Variants in DIP2C observed in about 807,000 individuals in gnomAD.
DIP2C encodes DIP2 acetate--CoA ligase C (putative), also known as disco-interacting protein 2 homolog C.
DIP2C carries 33 observed loss-of-function variants against 192.4 expected under a neutral mutation model. That is an observed-to-expected ratio of 0.17 (90% CI 0.13 to 0.23). The LOEUF (loss-of-function observed/expected upper bound fraction) is 0.23. DIP2C is among the 10% of genes least tolerant of loss of function. The pLI is 1.00. For missense variants in DIP2C, 1,537 were observed against 2,110.1 expected (o/e 0.73, Z 5.32); for synonymous variants, 979 against 864.1 (o/e 1.13, Z -2.33).
At chr10:350,992 G>T (rs576211189) in intron 24 of DIP2C, among the ~76,000 whole-genome samples, 1 of 152,250 alleles carries the variant, frequency 6.6e-6, no homozygotes, top group Admixed American at 6.5e-5. Flanking sequence ...ATGCATGAGT[G>T]TAGGGATGGA....
At chr10:459,941 G>A (rs1318168329) in intron 3 of DIP2C, among the ~76,000 whole-genome samples, 1 of 141,346 alleles carries the variant, frequency 7.1e-6, no homozygotes, top group Non-Finnish European at 1.5e-5. Flanking sequence ...ACCACCTGCT[G>A]CACGTGAGCT....
At chr10:385,200 C>T (rs1406880553) in intron 14 of DIP2C, among the ~76,000 whole-genome samples, 1 of 151,226 alleles carries the variant, frequency 6.6e-6, no homozygotes, top group Non-Finnish European at 1.5e-5. Context: ...CCGGGCTGCA[C>T]AGGCCTGGAG....
At chr10:436,254 T>G (rs112755004) in intron 4 of DIP2C, among the ~76,000 whole-genome samples, 2,480 of 152,308 alleles carry the variant, frequency 0.016, 74 homozygotes, top group African/African-American at 0.056. Context: ...ATTGTTTGCT[T>G]AATATTGCAC....
At chr10:391,446 A>G (rs1433924046) in intron 10 of DIP2C, among the ~76,000 whole-genome samples, 2 of 152,224 alleles carry the variant, frequency 1.3e-5, no homozygotes, top group Non-Finnish European at 2.9e-5. Flanking sequence ...ACTGCTGTGC[A>G]GCCCCACTGG....
intron 1 of DIP2C, among the ~76,000 whole-genome samples, chr10:587,521 C>T (rs1851139631): frequency 6.6e-6 from 1 of 152,186 alleles, no homozygotes; most frequent in African/African-American, 2.4e-5. Context: ...CTATAAAGGT[C>T]ATTAATCCCA....
At chr10:532,789 G>T (rs1847492763) in intron 1 of DIP2C, among the ~76,000 whole-genome samples, 1 of 151,968 alleles carries the variant, frequency 6.6e-6, no homozygotes, top group African/African-American at 2.4e-5. Context: ...GAGAGTATGG[G>T]TGTGTGGTGG....
chr10:472,304 G>A, intron 3 of DIP2C, 135 bp downstream of exon 3: 3 of 680,578 alleles, frequency 4.4e-6, no homozygotes, highest in Non-Finnish European at 7.4e-6. Context: ...GTGTGTCCGT[G>A]CAGAAAGCTG....
intron 10 of DIP2C, among the ~76,000 whole-genome samples, chr10:394,661 A>G (rs1405497463): frequency 6.0e-5 from 9 of 149,876 alleles, no homozygotes; most frequent in African/African-American, 2.0e-4. Flanking sequence ...GGCGCTATTC[A>G]GCCTTCAGGG....
At position 399,181 on chromosome 10, in the gene DIP2C, G is replaced by A. The variant is rs758726438; in HGVS notation, c.1188C>T (p.Phe396=). 17 of 1,614,002 alleles carry A rather than the reference G, an allele frequency of 1.1e-5. No individual in the cohort carries two copies. The highest frequency in any genetic ancestry group is 6.7e-5 in the East Asian group (3 of 44,896). ...GCAGGCAGCCGTAGAAAGCCGCCAT[G>A]AAGGCAGCCGGATCATTGTTGGGGA... ...LVFPNNDPAA[F]MAAFYGCLLA... Residue 396 remains phenylalanine, a synonymous_variant, in exon 10 of 37, where the codon TTC becomes TTT. Transcript: ENST00000280886.
At chr10:501,247 G>A (rs1261370974) in intron 1 of DIP2C, among the ~76,000 whole-genome samples, 1 of 152,144 alleles carries the variant, frequency 6.6e-6, no homozygotes, top group Non-Finnish European at 1.5e-5. Flanking sequence ...AATGTTGATA[G>A]TACACACTTT....
At chr10:469,826 C>T (rs944019158) in intron 3 of DIP2C, among the ~76,000 whole-genome samples, 9 of 152,190 alleles carry the variant, frequency 5.9e-5, no homozygotes, top group Non-Finnish European at 7.3e-5. Flanking sequence ...GATGCTATAA[C>T]CCAGCCGCTC....
chr10:324,390 A>C (rs775393665), intron 31 of DIP2C, among the ~76,000 whole-genome samples: 1 of 152,220 alleles, frequency 6.6e-6, no homozygotes, highest in Non-Finnish European at 1.5e-5. Context: ...ACAAAGCCAG[A>C]AACCTAATTC....
intron 1 of DIP2C, among the ~76,000 whole-genome samples, chr10:563,228 C>T (rs578039166): frequency 5.9e-5 from 9 of 152,318 alleles, no homozygotes; most frequent in Non-Finnish European, 1.2e-4. Context: ...TGCATCCATA[C>T]GATTTTAAGG....
intron 1 of DIP2C, among the ~76,000 whole-genome samples, chr10:575,050 T>C (rs1217812554): frequency 6.6e-6 from 1 of 152,044 alleles, no homozygotes; most frequent in African/African-American, 2.4e-5. Context: ...CTGGTATCAA[T>C]CAGTCTGCTG....
chr10:596,078 A>G (rs1851681846), intron 1 of DIP2C, among the ~76,000 whole-genome samples: 1 of 152,202 alleles, frequency 6.6e-6, no homozygotes, highest in African/African-American at 2.4e-5. Flanking sequence ...TCAAACGGAT[A>G]ACTCCTTCCC....
At chr10:592,640 T>C (rs1024997797) in intron 1 of DIP2C, among the ~76,000 whole-genome samples, 2 of 152,184 alleles carry the variant, frequency 1.3e-5, no homozygotes, top group Non-Finnish European at 2.9e-5. Flanking sequence ...GCAACCCTGT[T>C]TGGAGGCACA....
intron 15 of DIP2C, 125 bp from the exon 16 acceptor site, chr10:384,271 C>CTTTTTTTTTTTTTTT (rs35461394): frequency 3.6e-6 from 1 of 275,290 alleles, no homozygotes; most frequent in Non-Finnish European, 5.6e-6. Context: ...CCCCACAAAC[C>CTTTTTTTTTTTTTTT]TTTTTTTTTT....
intron 32 of DIP2C, among the ~76,000 whole-genome samples, chr10:292,193 C>T (rs1955525573): frequency 6.6e-6 from 1 of 152,248 alleles, no homozygotes; most frequent in Non-Finnish European, 1.5e-5. Context: ...TTCTTGCTGC[C>T]TCCAACGTGC....
At chr10:598,450 A>T (rs934307219) in intron 1 of DIP2C, among the ~76,000 whole-genome samples, 41 of 152,236 alleles carry the variant, frequency 2.7e-4, no homozygotes, top group African/African-American at 9.4e-4. Flanking sequence ...ACATGCAATC[A>T]TCACATGCAT....
Sources: allele counts gnomAD v4.1 joint callset (sites outside exome capture counted in the v4.1 genomes callset), GRCh38; gene constraint gnomAD v4.1.1; transcripts MANE v1.5; gene names NCBI Gene and HGNC (gene_info 2026-07-23, HGNC 2026-07-21).